Variants in GPRC6A observed in about 807,000 individuals in gnomAD.
GPRC6A encodes G protein-coupled receptor class C group 6 member A.
GPRC6A carries 54 observed loss-of-function variants against 47.0 expected under a neutral mutation model. The observed-to-expected ratio is 1.15, with a 90% CI of 0.92 to 1.44. The LOEUF (loss-of-function observed/expected upper bound fraction) is 1.44. Ranked by LOEUF, GPRC6A falls within the 40% of genes most tolerant of loss-of-function variation. The pLI, the probability that GPRC6A is intolerant of heterozygous loss-of-function variation, is 0.00. For missense variants in GPRC6A, 1,112 were observed against 1,105.5 expected, an observed-to-expected ratio of 1.01 and a Z score of -0.08; for synonymous variants, 347 against 377.1, an observed-to-expected ratio of 0.92 and a Z score of 0.93.
chr6:116,815,444 C>T (rs970030640), intron 1 of GPRC6A, among the ~76,000 whole-genome samples: 2 of 152,206 alleles, frequency 1.3e-5, no homozygotes, highest in Non-Finnish European at 2.9e-5. Flanking sequence ...GATTGCACCA[C>T]TGCACTCCAG....
chr6:116,806,897 G>A lies in GPRC6A; in HGVS notation c.808C>T (p.Gln270Ter). The change falls in exon 3 of 6, where the codon CAG (glutamine) becomes TAG (stop). Residue 270 changes from glutamine (Q) to a stop codon, truncating the protein, a stop_gained. Transcript: ENST00000310357. LOFTEE classifies it high-confidence loss of function. ...RTLKKIILEAQVNVIVVFLRQ... is the reference protein window; with the variant it reads ...RTLKKIILEA ...AGAAATACCACAATGACATTAACCT[G>A]GGCTTCTAAAATGATTTTCTTCAGT... The A allele has an allele frequency of 6.2e-7, 1 of 1,613,528 alleles. No individual in the cohort carries two copies. Among genetic ancestry groups the A allele is most frequent in the Non-Finnish European group, 8.5e-7 (1 of 1,179,766 alleles).
intron 5 of GPRC6A, among the ~76,000 whole-genome samples, chr6:116,793,682 A>G (rs1772389975): frequency 6.6e-6 from 1 of 152,168 alleles, no homozygotes; most frequent in Admixed American, 6.6e-5. Flanking sequence ...CTATTTCAGA[A>G]TCTCCCATAT....
At chr6:116,814,267 G>T in intron 1 of GPRC6A, among the ~76,000 whole-genome samples, 1 of 152,094 alleles carries the variant, frequency 6.6e-6, no homozygotes, top group East Asian at 1.9e-4. Context: ...TATACCCAAA[G>T]GATTATAAAT....
At chr6:116,823,360 T>G (rs1197036576) in intron 1 of GPRC6A, among the ~76,000 whole-genome samples, 1 of 152,154 alleles carries the variant, frequency 6.6e-6, no homozygotes, top group Non-Finnish European at 1.5e-5. Context: ...GCCACCAAGT[T>G]CTTTGCTAAT....
At chr6:116,803,103 C>G (rs1053000629) in intron 3 of GPRC6A, among the ~76,000 whole-genome samples, 3 of 152,022 alleles carry the variant, frequency 2.0e-5, no homozygotes, top group Non-Finnish European at 4.4e-5. Flanking sequence ...CTCTATGTTT[C>G]CAGCTTGACA....
intron 4 of GPRC6A, among the ~76,000 whole-genome samples, chr6:116,798,092 C>T (rs372598894): frequency 1.7e-3 from 252 of 152,238 alleles, no homozygotes; most frequent in African/African-American, 5.6e-3. Context: ...ATATTTAGCT[C>T]GTCGAACTTA....
At position 116,807,059 on chromosome 6, in the gene GPRC6A, T is replaced by C; in HGVS notation, c.646A>G (p.Thr216Ala). 6.2e-7 allele frequency: 1 copy of C among 1,613,666 alleles called. No individual in the cohort carries two copies. Among genetic ancestry groups the C allele is most frequent in the Non-Finnish European group, 8.5e-7 (1 of 1,179,666 alleles). ...SGWNWIGIIT[T>A]DDDYGRLALN... Reference sequence around the variant, plus strand: ...GCCAATCGTCCATAGTCATCATCTGTGGTTATGATGCCAATCCAGTTCCAA... The same window carrying C: ...GCCAATCGTCCATAGTCATCATCTGCGGTTATGATGCCAATCCAGTTCCAA... Residue 216 changes from threonine to alanine, a missense_variant, in exon 3 of 6, where the codon ACA becomes GCA. Coordinates refer to ENST00000310357, the MANE Select transcript of GPRC6A (RefSeq NM_148963.4).
At chr6:116,800,173 C>G (rs1772613419) in intron 4 of GPRC6A, among the ~76,000 whole-genome samples, 2 of 151,270 alleles carry the variant, frequency 1.3e-5, no homozygotes, top group South Asian at 4.2e-4. Flanking sequence ...GACTAGTCAG[C>G]AGTCTCCCCT....
Position 116,795,835 on chromosome 6 carries a change from G to A in GPRC6A, c.1549C>T (p.Gln517Ter). Residue 517 changes from glutamine to a stop codon, truncating the protein, a stop_gained and splice_region_variant, in exon 5 of 6, where the codon CAA becomes TAA. Coordinates refer to ENST00000310357, the MANE Select transcript of GPRC6A (RefSeq NM_148963.4). LOFTEE classifies it high-confidence loss of function. ...TCCTTGGAGCATTTAGATTGAATTT[G>A]CTATATTAAAAGTGAAAAAAAAAAT... ...ETKNEFRNLK[Q>*]IQSKCSKECS... The A allele has an allele frequency of 6.3e-7, 1 of 1,585,252 alleles. No individual in the cohort carries two copies. Among genetic ancestry groups the A allele is most frequent in the Non-Finnish European group, 8.6e-7 (1 of 1,164,022 alleles).
chr6:116,821,913 G>A (rs971707317), intron 1 of GPRC6A, among the ~76,000 whole-genome samples: 4 of 149,898 alleles, frequency 2.7e-5, no homozygotes, highest in Admixed American at 6.6e-5. Flanking sequence ...TACCATCAGA[G>A]TGAACAGGCA....
At chr6:116,819,105 C>G (rs1773357924) in intron 1 of GPRC6A, among the ~76,000 whole-genome samples, 1 of 151,994 alleles carries the variant, frequency 6.6e-6, no homozygotes, top group Non-Finnish European at 1.5e-5. Flanking sequence ...TCAAAAGAGA[C>G]AAAGAAGGCC....
intron 1 of GPRC6A, among the ~76,000 whole-genome samples, chr6:116,814,872 A>C (rs1478697744): frequency 6.6e-6 from 1 of 152,234 alleles, no homozygotes; most frequent in East Asian, 1.9e-4. Context: ...ACTGAAAGTA[A>C]AGGGATAGAA....
intron 2 of GPRC6A, among the ~76,000 whole-genome samples, chr6:116,807,987 T>C (rs1285662069): frequency 6.6e-6 from 1 of 151,674 alleles, no homozygotes; most frequent in African/African-American, 2.4e-5. Context: ...TTTTCTTTTC[T>C]TTCGTTCCTT....
intron 4 of GPRC6A, among the ~76,000 whole-genome samples, chr6:116,799,475 C>T (rs1211055795): frequency 6.6e-6 from 1 of 152,184 alleles, no homozygotes; most frequent in South Asian, 2.1e-4. Flanking sequence ...TGGAAGCAAA[C>T]AAATAAAATA....
upstream of GPRC6A, chr6:116,829,135 A>G (rs1773767630): frequency 1.7e-5 from 18 of 1,079,330 alleles, no homozygotes; most frequent in Non-Finnish European, 2.1e-5. Flanking sequence ...GTCAAAGGCC[A>G]GAAACACTCA....
chr6:116,823,429 C>T (rs1349071642), intron 1 of GPRC6A, among the ~76,000 whole-genome samples: 2 of 152,122 alleles, frequency 1.3e-5, no homozygotes, highest in African/African-American at 4.8e-5. Context: ...CCATTTGAGA[C>T]CTCTTCAGCC....
intron 4 of GPRC6A, among the ~76,000 whole-genome samples, chr6:116,799,636 T>G (rs942339371): frequency 6.6e-6 from 1 of 152,120 alleles, no homozygotes; most frequent in Non-Finnish European, 1.5e-5. Flanking sequence ...TTAAATGTAT[T>G]CAACTGTTTC....
intron 1 of GPRC6A, among the ~76,000 whole-genome samples, chr6:116,818,727 C>T (rs1773341421): frequency 6.6e-6 from 1 of 151,370 alleles, no homozygotes; most frequent in Non-Finnish European, 1.5e-5. Context: ...TGGAAGGGAA[C>T]AATGGGTACC....
intron 1 of GPRC6A, among the ~76,000 whole-genome samples, chr6:116,814,366 A>T: frequency 6.6e-6 from 1 of 152,216 alleles, no homozygotes; most frequent in East Asian, 1.9e-4. Context: ...AATGTCCATC[A>T]ATAATAGACT....
Sources: gnomAD v4.1 joint callset for allele counts (sites outside exome capture counted in the v4.1 genomes callset) on GRCh38, gnomAD v4.1.1 for gene constraint, MANE v1.5 for transcripts, NCBI Gene and HGNC (gene_info 2026-07-23, HGNC 2026-07-21) for gene names.